GNE: variants seen among roughly 807,000 people sequenced by gnomAD.
The protein encoded by GNE is bifunctional UDP-N-acetylglucosamine 2-epimerase/N-acetylmannosamine kinase.
GNE carries 41 observed loss-of-function variants against 61.8 expected under a neutral mutation model. The observed-to-expected ratio is 0.66, with a 90% CI of 0.52 to 0.86. The LOEUF (loss-of-function observed/expected upper bound fraction) is 0.86. Ranked by LOEUF, GNE falls within the 40% of genes least tolerant of loss-of-function variation. GNE has a pLI of 0.00. For missense variants in GNE, 608 were observed against 909.1 expected, an observed-to-expected ratio of 0.67 and a Z score of 4.26; for synonymous variants, 264 against 326.4, an observed-to-expected ratio of 0.81 and a Z score of 2.06.
At chr9:36,236,584 C>G (rs1461567688) in intron 4 of GNE, among the ~76,000 whole-genome samples, 1 of 152,206 alleles carries the variant, frequency 6.6e-6, no homozygotes, top group Non-Finnish European at 1.5e-5. Context: ...AATATTAGTA[C>G]TAAACATGAG....
At position 36,246,160 on chromosome 9, in the gene GNE, T is replaced by C. The variant is rs752740158; in HGVS notation, c.487A>G (p.Ser163Gly). ...ATGGATATCAGGTGCTGCTCTGCAC[T>C]GCGGGTGCAGCACACATGATAATGA... ...LAHYHVCCTR[S>G]AEQHLISMCE... Residue 163 changes from serine (S) to glycine (G), a missense_variant, in exon 3 of 12, where the codon AGT becomes GGT. Ser to Gly is a moderately conservative substitution (Grantham distance 56). Transcript: ENST00000642385. 9.3e-6 allele frequency: 15 copies of C among 1,613,642 alleles called. No homozygotes were observed. The South Asian group carries it at 1.5e-4, about 17-fold the overall frequency.
At chr9:36,235,525 C>T (rs922013430) in intron 4 of GNE, among the ~76,000 whole-genome samples, 1 of 152,072 alleles carries the variant, frequency 6.6e-6, no homozygotes, top group African/African-American at 2.4e-5. Context: ...AAAGTATATA[C>T]AGCCAGGAAA....
At position 36,214,451 on chromosome 9, in the gene GNE, G is replaced by A. The variant is rs1248296304; in HGVS notation, c.*2914C>T. 1 of 151,998 alleles carries A rather than the reference G, an allele frequency of 6.6e-6. No homozygotes were observed. Among genetic ancestry groups the A allele is most frequent in the Non-Finnish European group, 1.5e-5 (1 of 67,998 alleles). The allele number at this position is 151,998 out of a possible 1,614,324, so 9.4% of individuals were successfully genotyped here. On this transcript the variant is annotated 3_prime_UTR_variant, in exon 12 of 12. Transcript: ENST00000642385. ...CAAAATACAACAGGATTTCAACAAG[G>A]AAATGTATTTATTTTTTCTTTAGAA...
At chr9:36,238,955 C>T (rs1455653434) in intron 3 of GNE, among the ~76,000 whole-genome samples, 3 of 152,164 alleles carry the variant, frequency 2.0e-5, no homozygotes, top group African/African-American at 7.2e-5. Flanking sequence ...ATGTGGCCAG[C>T]GAATTATCCC....
chr9:36,251,323 C>T (rs116448806), intron 1 of GNE, among the ~76,000 whole-genome samples: 1,887 of 152,266 alleles, frequency 0.012, 41 homozygotes, highest in African/African-American at 0.042. Flanking sequence ...CTCCACTGCT[C>T]GCTCATCCCT....
intron 1 of GNE, among the ~76,000 whole-genome samples, chr9:36,269,001 G>A (rs1830913114): frequency 6.6e-6 from 1 of 151,836 alleles, no homozygotes; most frequent in South Asian, 2.1e-4. Flanking sequence ...GTGGTGCTGT[G>A]TGCCTGTAAT....
chr9:36,230,764 A>G, intron 5 of GNE, among the ~76,000 whole-genome samples: 1 of 151,344 alleles, frequency 6.6e-6, no homozygotes, highest in East Asian at 1.9e-4. Context: ...GGTTCACGCT[A>G]AAATTTTTTT....
upstream of GNE, among the ~76,000 whole-genome samples, chr9:36,262,876 A>G (rs1830654540): frequency 6.6e-6 from 1 of 152,230 alleles, no homozygotes; most frequent in South Asian, 2.1e-4. Flanking sequence ...CTACCCGTGT[A>G]TTTCGTAGCC....
intron 6 of GNE, among the ~76,000 whole-genome samples, chr9:36,228,793 CAAA>C (rs71336431): frequency 6.9e-5 from 5 of 72,568 alleles, no homozygotes; most frequent in East Asian, 8.9e-4. Flanking sequence ...GAGTCCATCT[CAAA>C]AAAAAAAAAA....
At chr9:36,269,863 T>A (rs1348934179) in intron 1 of GNE, among the ~76,000 whole-genome samples, 1 of 152,146 alleles carries the variant, frequency 6.6e-6, no homozygotes, top group African/African-American at 2.4e-5. Flanking sequence ...GGTTTCACCA[T>A]ATTGGCCAGG....
intron 7 of GNE, 60 bp downstream of exon 7, chr9:36,227,188 T>TAA: frequency 2.9e-6 from 3 of 1,032,298 alleles, no homozygotes; most frequent in African/African-American, 1.6e-5. Context: ...TATATATACT[T>TAA]AAAAAAAAAA....
Position 36,217,500 on chromosome 9 carries a change from A to G in GNE, c.2034T>C (p.Ile678=), listed in dbSNP as rs1828379517. 2.5e-6 allele frequency: 4 copies of G among 1,614,042 alleles called. No individual in the cohort carries two copies. The highest frequency in any genetic ancestry group is 1.1e-5 in the South Asian group (1 of 91,078). The part of the protein sequence containing the change: ...SGVLASHYIH[I]VKDVIRQQAL... ...CCTGCTGGCGAATGACGTCTTTGACAATGTGGATATAGTGACTGGCCAGGA... is the reference window on the plus strand; with the variant it reads ...CCTGCTGGCGAATGACGTCTTTGACGATGTGGATATAGTGACTGGCCAGGA... Residue 678 remains isoleucine, a synonymous_variant, in exon 12 of 12, where the codon ATT becomes ATC. Coordinates refer to ENST00000642385, the MANE Select transcript of GNE (RefSeq NM_005476.7).
chr9:36,242,732 GTT>G (rs34441447), intron 3 of GNE, among the ~76,000 whole-genome samples: 15,256 of 93,594 alleles, frequency 0.16, 618 homozygotes, highest in Non-Finnish European at 0.18. Flanking sequence ...TTTTATGCTT[GTT>G]TTTTTTTTTT....
intron 2 of GNE, among the ~76,000 whole-genome samples, chr9:36,248,613 C>T (rs141059109): frequency 2.2e-3 from 330 of 152,204 alleles, no homozygotes; most frequent in Middle Eastern, 6.8e-3. Flanking sequence ...CATGTGCCAC[C>T]GTGCCCGGCC....
chr9:36,233,340 C>A (rs1391836235), intron 5 of GNE, among the ~76,000 whole-genome samples: 6 of 152,178 alleles, frequency 3.9e-5, no homozygotes, highest in Non-Finnish European at 8.8e-5. Context: ...CAACCACATT[C>A]TCTCTTAAAC....
chr9:36,275,999 C>A (rs769087571), intron 1 of GNE, among the ~76,000 whole-genome samples: 2 of 152,172 alleles, frequency 1.3e-5, no homozygotes, highest in Non-Finnish European at 2.9e-5. Context: ...GCAGCAAGAC[C>A]TTGTCTCTAC....
At chr9:36,223,330 C>A (rs201288705) in intron 8 of GNE, 43 bp downstream of exon 8, 1 of 1,565,090 alleles carries the variant, frequency 6.4e-7, no homozygotes, top group Admixed American at 1.7e-5. Context: ...AAATTTTGTA[C>A]ATTAAAATGA....
rs749068352 is a variant in GNE at position 36,246,496 on chromosome 9, G to GAAATAAAGATAT, written c.165-26_165-15dup. The GAAATAAAGATAT allele has an allele frequency of 6.3e-7, 1 of 1,587,264 alleles. No homozygotes were observed. Among genetic ancestry groups the GAAATAAAGATAT allele is most frequent in the Non-Finnish European group, 8.6e-7 (1 of 1,157,712 alleles). ...CGATATGTATTTCTAAAGCCGGGGA[G>GAAATAAAGATAT]AAATAAAGATATAAGAACATGTTCT... is the stretch of plus-strand genomic sequence containing the variant. On this transcript the variant is annotated splice_polypyrimidine_tract_variant and intron_variant, in intron 2 of 11. Coordinates refer to ENST00000642385, the MANE Select transcript of GNE (RefSeq NM_005476.7).
At chr9:36,276,951 G>A in exon 1 of GNE, 3 of 1,613,022 alleles carry the variant, frequency 1.9e-6, no homozygotes, top group Non-Finnish European at 2.5e-6. Context: ...CCATCCCGAA[G>A]CACGAGCTCT....
Sources: allele counts gnomAD v4.1 joint callset (sites outside exome capture counted in the v4.1 genomes callset), GRCh38; gene constraint gnomAD v4.1.1; transcripts MANE v1.5; gene names NCBI Gene and HGNC (gene_info 2026-07-23, HGNC 2026-07-21).